DLGAP2: variants seen among roughly 807,000 people sequenced by gnomAD.
DLGAP2 encodes the protein DLG associated protein 2, also known as disks large-associated protein 2.
A neutral mutation model predicts 100.3 loss-of-function variants in DLGAP2; 26 were observed. That is an observed-to-expected ratio of 0.26 (90% CI 0.19 to 0.36). The LOEUF (loss-of-function observed/expected upper bound fraction) is 0.36. DLGAP2 is among the 10% of genes least tolerant of loss of function. DLGAP2 has a pLI of 1.00. For missense variants in DLGAP2, 1,858 were observed against 1,453.2 expected (o/e 1.28, Z -4.53); for synonymous variants, 886 against 630.1 (o/e 1.41, Z -6.08).
intron 1 of DLGAP2, among the ~76,000 whole-genome samples, chr8:833,407 C>T (rs956600402): frequency 1.3e-5 from 2 of 152,322 alleles, no homozygotes; most frequent in Middle Eastern, 3.4e-3. Flanking sequence ...GCCAGCTCCT[C>T]TTGAGGTTCT....
chr8:932,417 G>A (rs1265778485), intron 2 of DLGAP2, among the ~76,000 whole-genome samples: 1 of 152,202 alleles, frequency 6.6e-6, no homozygotes, highest in Non-Finnish European at 1.5e-5. Context: ...AATGGTTCCA[G>A]GTTAAATAAA....
chr8:1,088,362 G>T (rs1233647546), intron 2 of DLGAP2, among the ~76,000 whole-genome samples: 5 of 146,918 alleles, frequency 3.4e-5, no homozygotes, highest in Non-Finnish European at 7.6e-5. Flanking sequence ...GGTGACACAG[G>T]ACTTTCTAAG....
At chr8:1,242,788 A>G (rs1210615221) in intron 2 of DLGAP2, among the ~76,000 whole-genome samples, 2 of 152,148 alleles carry the variant, frequency 1.3e-5, no homozygotes, top group East Asian at 1.9e-4. Flanking sequence ...GGATAGACGG[A>G]CAGATAGATG....
At chr8:1,683,444 C>T (rs1175750949) in intron 12 of DLGAP2, among the ~76,000 whole-genome samples, 1 of 151,532 alleles carries the variant, frequency 6.6e-6, no homozygotes, top group Non-Finnish European at 1.5e-5. Context: ...CCTGACCTCA[C>T]AGAGCCTTCT....
intron 1 of DLGAP2, among the ~76,000 whole-genome samples, chr8:814,328 T>G (rs1424292111): frequency 6.6e-6 from 1 of 152,218 alleles, no homozygotes; most frequent in African/African-American, 2.4e-5. Flanking sequence ...GTTTAGCTCT[T>G]AGAACATTTC....
At chr8:1,622,087 A>C (rs1037019819) in intron 6 of DLGAP2, 1 of 152,244 alleles carries the variant, frequency 6.6e-6, no homozygotes, top group Non-Finnish European at 1.5e-5. Flanking sequence ...AAGAATTTCC[A>C]TTTTGCAGGT....
At chr8:1,340,553 G>A (rs35088276) in intron 3 of DLGAP2, among the ~76,000 whole-genome samples, 21,972 of 152,190 alleles carry the variant, frequency 0.14, 1,808 homozygotes, top group Admixed American at 0.18. Flanking sequence ...AGTCAGAATG[G>A]CGGTTATTAA....
chr8:1,201,358 T>C (rs977664581), intron 2 of DLGAP2, among the ~76,000 whole-genome samples: 4 of 152,070 alleles, frequency 2.6e-5, no homozygotes, highest in African/African-American at 9.7e-5. Flanking sequence ...TCAGGGGCCG[T>C]GGGGCAGGGG....
At chr8:795,121 G>A (rs1585870414) in intron 1 of DLGAP2, among the ~76,000 whole-genome samples, 1 of 152,164 alleles carries the variant, frequency 6.6e-6, no homozygotes, top group East Asian at 1.9e-4. Flanking sequence ...GGCTCCAGTG[G>A]GTTTTCGTTA....
intron 2 of DLGAP2, among the ~76,000 whole-genome samples, chr8:1,144,198 G>A (rs928645528): frequency 6.6e-6 from 1 of 152,204 alleles, no homozygotes; most frequent in East Asian, 1.9e-4. Flanking sequence ...CGTTTTCACC[G>A]CCCTGTGCTG....
At chr8:1,132,206 C>T (rs1461503048) in intron 2 of DLGAP2, among the ~76,000 whole-genome samples, 1 of 152,130 alleles carries the variant, frequency 6.6e-6, no homozygotes, top group Non-Finnish European at 1.5e-5. Context: ...AAATAGAAAG[C>T]CATGTTTTTG....
At chr8:1,591,906 C>A (rs1386588685) in intron 6 of DLGAP2, among the ~76,000 whole-genome samples, 1 of 152,206 alleles carries the variant, frequency 6.6e-6, no homozygotes, top group East Asian at 1.9e-4. Flanking sequence ...AGGGAGGTTC[C>A]TCCCACCCGG....
chr8:1,433,322 G>A (rs79143452), intron 3 of DLGAP2, among the ~76,000 whole-genome samples: 1,682 of 152,330 alleles, frequency 0.011, 28 homozygotes, highest in African/African-American at 0.038. Context: ...AGCTGTGGCC[G>A]TCAGGGGCAT....
rs1031644238 is a variant in DLGAP2, at chr8:1,376,826, G to A, written c.106+117943G>A. Among the ~76,000 whole-genome samples, 6 of 146,796 alleles carry A rather than the reference G, an allele frequency of 4.1e-5. 1 individual carries two copies. Among genetic ancestry groups the A allele is most frequent in the African/African-American group, 1.5e-4 (6 of 39,450 alleles). ...GTGGTCCGCAGGTGGGGTTCTTCTT[G>A]CTACTGCAAGCGTATTTGGCCGTGA... On this transcript the variant is annotated intron_variant, in intron 3 of 14. Transcript: ENST00000637795.
At chr8:1,012,137 A>G (rs952225631) in intron 2 of DLGAP2, among the ~76,000 whole-genome samples, 2 of 152,154 alleles carry the variant, frequency 1.3e-5, no homozygotes, top group Non-Finnish European at 2.9e-5. Flanking sequence ...GTGCAGCGGT[A>G]TCCCCTTGCT....
At chr8:755,604 A>G (rs1820899776) in intron 1 of DLGAP2, among the ~76,000 whole-genome samples, 1 of 152,150 alleles carries the variant, frequency 6.6e-6, no homozygotes, top group East Asian at 1.9e-4. Flanking sequence ...CGTGAGTAGG[A>G]ACGAGGGGCA....
chr8:1,256,306 TG>T (rs1799214506), intron 2 of DLGAP2, among the ~76,000 whole-genome samples: 1 of 125,742 alleles, frequency 8.0e-6, no homozygotes, highest in African/African-American at 3.3e-5. Flanking sequence ...GGGTGCTGTC[TG>T]TGTGTCCTCT....
rs371869493 is a variant in DLGAP2 at position 1,156,552 on chromosome 8, C to T, written c.74-102299C>T. On this transcript the variant is annotated intron_variant, in intron 2 of 14. Transcript: ENST00000637795. ...TGGCCCCGACTCCCCCAAATCCCGG[C>T]CACGCTCTAGCTCAGCGCCCCTGCT... 9.0e-4 allele frequency among the ~76,000 whole-genome samples: 137 copies of T among 152,248 alleles called. No homozygotes were observed. In the East Asian group the frequency reaches 0.023, roughly 26 times the overall value.
intron 1 of DLGAP2, among the ~76,000 whole-genome samples, chr8:893,280 C>A (rs1421883405): frequency 1.3e-5 from 2 of 152,100 alleles, no homozygotes; most frequent in Non-Finnish European, 2.9e-5. Context: ...AAAATGATGA[C>A]GTTTTGCAGA....
Sources: allele counts gnomAD v4.1 joint callset (sites outside exome capture counted in the v4.1 genomes callset), GRCh38; gene constraint gnomAD v4.1.1; transcripts MANE v1.5; gene names NCBI Gene and HGNC (gene_info 2026-07-23, HGNC 2026-07-21).